Variants in COQ9 observed in about 807,000 individuals in gnomAD.
The protein encoded by COQ9 is coenzyme Q9.
A neutral mutation model predicts 42.4 loss-of-function variants in COQ9; 35 were observed. The ratio of observed to expected loss-of-function variants is 0.83; its 90% confidence interval spans 0.63 to 1.10. The LOEUF (loss-of-function observed/expected upper bound fraction) is 1.10. Among genes scored for constraint, COQ9 ranks in the 50% least tolerant of loss-of-function variants. The pLI is 0.00. For missense variants in COQ9, 406 were observed against 414.6 expected (o/e 0.98, Z 0.18); for synonymous variants, 155 against 155.1 (o/e 1.00, Z 0.00).
intron 1 of COQ9, among the ~76,000 whole-genome samples, chr16:57,449,425 T>C (rs2030230736): frequency 6.6e-6 from 1 of 152,150 alleles, no homozygotes; most frequent in Admixed American, 6.5e-5. Context: ...GGTTAGAGCC[T>C]GATCAAGGAG....
At position 57,460,211 on chromosome 16, in the gene COQ9, A is replaced by C. The variant is rs941209810; in HGVS notation, c.921+107A>C. 6 of 1,138,116 alleles carry C rather than the reference A, an allele frequency of 5.3e-6. No homozygotes were observed. The East Asian group carries it at 1.5e-4, about 28-fold the overall frequency. The allele number at this position is 1,138,116 out of a possible 1,614,324, so 70.5% of individuals were successfully genotyped here. ...TTTGTAGCCCTAACCTGGAAACAAT[A>C]ATCTAATAATAAGGCTGACAATGGT... is the stretch of plus-strand genomic sequence containing the variant. On this transcript the variant is annotated intron_variant, in intron 8 of 8. Coordinates refer to ENST00000262507, the MANE Select transcript of COQ9 (RefSeq NM_020312.4).
At chr16:57,450,400 G>A (rs1030668868) in intron 1 of COQ9, among the ~76,000 whole-genome samples, 1 of 133,870 alleles carries the variant, frequency 7.5e-6, no homozygotes, top group Non-Finnish European at 1.5e-5. Flanking sequence ...GGCCGACAGA[G>A]TGAGACTCTG....
At chr16:57,449,067 CACTG>C (rs1424223871) in intron 1 of COQ9, among the ~76,000 whole-genome samples, 1 of 152,098 alleles carries the variant, frequency 6.6e-6, no homozygotes, top group Non-Finnish European at 1.5e-5. Context: ...ATGCAGAAGT[CACTG>C]GGTGTTTCAA....
chr16:57,449,356 G>T (rs1238892235), intron 1 of COQ9, among the ~76,000 whole-genome samples: 1 of 152,198 alleles, frequency 6.6e-6, no homozygotes, highest in East Asian at 1.9e-4. Flanking sequence ...GTTAGTGTGT[G>T]TTCAAGTCTT....
chr16:57,447,782 G>GCC, intron 1 of COQ9: 1 of 402,692 alleles, frequency 2.5e-6, no homozygotes, highest in Non-Finnish European at 4.3e-6. Context: ...ATGCAGCGGG[G>GCC]CAGGGCCTGT....
intron 3 of COQ9, among the ~76,000 whole-genome samples, chr16:57,454,940 G>A (rs1598038012): frequency 6.6e-6 from 1 of 152,196 alleles, no homozygotes. Context: ...GAGGAGTCAA[G>A]CTTTTCTTCT....
In COQ9 at chr16:57,458,352, T is replaced by C; in HGVS notation, c.711+2T>C. The C allele has an allele frequency of 6.2e-7, 1 of 1,603,900 alleles. No individual in the cohort carries two copies. Among genetic ancestry groups the C allele is most frequent in the South Asian group, 1.1e-5 (1 of 90,056 alleles). On this transcript the variant is annotated splice_donor_variant, in intron 6 of 8. Transcript: ENST00000262507. LOFTEE classifies it high-confidence loss of function. ...TACGCTGGGGACCAGTCCACTGATGTGAGTGCTTTCTGCAGGCCCACAGGA... is the reference window on the plus strand; with the variant it reads ...TACGCTGGGGACCAGTCCACTGATGCGAGTGCTTTCTGCAGGCCCACAGGA...
intron 1 of COQ9, 33 bp downstream of exon 1, chr16:57,447,611 G>T: frequency 8.0e-7 from 1 of 1,243,210 alleles, no homozygotes; most frequent in Non-Finnish European, 1.0e-6. Flanking sequence ...GAGAGGCGGG[G>T]AGCGCGGAGG....
chr16:57,457,169 T>G (rs2030425807), intron 5 of COQ9, 154 bp downstream of exon 5: 1 of 731,758 alleles, frequency 1.4e-6, no homozygotes, highest in Non-Finnish European at 2.4e-6. Context: ...TAAAGCTGGG[T>G]TTCAAACTTG....
At chr16:57,450,764 T>C (rs2030266026) in intron 1 of COQ9, 1 of 511,536 alleles carries the variant, frequency 2.0e-6, no homozygotes, top group Non-Finnish European at 3.5e-6. Context: ...AATCTGCACA[T>C]TGGGGTGAAA....
chr16:57,447,681 C>T, intron 1 of COQ9, 103 bp downstream of exon 1: 1 of 1,037,326 alleles, frequency 9.6e-7, no homozygotes, highest in East Asian at 3.2e-5. Flanking sequence ...TTGGGGCGGC[C>T]CACGAGCAAG....
chr16:57,460,126 C>T (rs1419478238), intron 8 of COQ9, 22 bp downstream of exon 8: 2 of 1,612,852 alleles, frequency 1.2e-6, no homozygotes, highest in Non-Finnish European at 1.7e-6. Context: ...CCAGCACATC[C>T]CTGCCCCTCC....
intron 2 of COQ9, among the ~76,000 whole-genome samples, chr16:57,451,459 A>G (rs1355129202): frequency 6.6e-6 from 1 of 152,222 alleles, no homozygotes; most frequent in Non-Finnish European, 1.5e-5. Flanking sequence ...GGTGTGAGCC[A>G]CTGCACCCAG....
chr16:57,450,152 C>T (rs746729614), intron 1 of COQ9, among the ~76,000 whole-genome samples: 42 of 152,242 alleles, frequency 2.8e-4, no homozygotes, highest in Middle Eastern at 3.4e-3. Flanking sequence ...TGATGGCTCA[C>T]GCCTGTAATC....
intron 1 of COQ9, chr16:57,450,743 G>T: frequency 4.4e-6 from 2 of 458,002 alleles, no homozygotes; most frequent in Non-Finnish European, 8.0e-6. Flanking sequence ...CTCTAAATTT[G>T]CAGATTTAAA....
rs1374322958 is a variant in COQ9, at chr16:57,460,114, G to A, written c.921+10G>A. 3 of 1,613,788 alleles carry A rather than the reference G, an allele frequency of 1.9e-6. No individual in the cohort carries two copies. Among genetic ancestry groups the A allele is most frequent in the Non-Finnish European group, 2.5e-6 (3 of 1,179,852 alleles). ...GGGTGCAGCAGTGACGGTGAGTACT[G>A]CCCAGCACATCCCTGCCCCTCCTCT... is the stretch of plus-strand genomic sequence containing the variant. On this transcript the variant is annotated intron_variant, in intron 8 of 8. Coordinates refer to ENST00000262507, the MANE Select transcript of COQ9 (RefSeq NM_020312.4).
chr16:57,452,621 G>A (rs1389969136), intron 2 of COQ9, among the ~76,000 whole-genome samples, 180 bp from the exon 3 acceptor site: 2 of 152,168 alleles, frequency 1.3e-5, no homozygotes, highest in African/African-American at 4.8e-5. Context: ...CAGCCTGGGC[G>A]ACAGAGGGAG....
intron 1 of COQ9, 83 bp downstream of exon 1, chr16:57,447,661 GA>G (rs1362326282): frequency 8.7e-7 from 1 of 1,148,218 alleles, no homozygotes; most frequent in African/African-American, 1.6e-5. Context: ...ACGGTGGGGG[GA>G]AGAGGCCGTT....
Position 57,451,065 on chromosome 16 carries a change from G to C in COQ9, c.99G>C (p.Val33=). 6.2e-7 allele frequency: 1 copy of C among 1,614,104 alleles called. No homozygotes were observed. The highest frequency in any genetic ancestry group is 8.5e-7 in the Non-Finnish European group (1 of 1,180,030). The change falls in exon 2 of 9, where the codon GTG becomes GTC. Residue 33 remains valine, a synonymous_variant. Coordinates refer to ENST00000262507, the MANE Select transcript of COQ9 (RefSeq NM_020312.4). ...LPVARCRQAL[V]PRAFHASAVG... is the part of the protein sequence containing the mutation. ...TGGCCCGTTGCCGACAAGCCCTGGT[G>C]CCGCGTGCCTTCCATGCTTCAGCTG...
Sources: allele counts gnomAD v4.1 joint callset (sites outside exome capture counted in the v4.1 genomes callset), GRCh38; gene constraint gnomAD v4.1.1; transcripts MANE v1.5; gene names NCBI Gene and HGNC (gene_info 2026-07-23, HGNC 2026-07-21).